FHIT: variants seen among roughly 807,000 people sequenced by gnomAD.
FHIT encodes the protein fragile histidine triad diadenosine triphosphatase.
A neutral mutation model predicts 17.9 loss-of-function variants in FHIT; 19 were observed. The ratio of observed to expected loss-of-function variants is 1.06; its 90% CI spans 0.74 to 1.56. FHIT has a LOEUF of 1.56. Ranked by LOEUF, FHIT falls within the 40% of genes most tolerant of loss-of-function variation. The pLI is 0.00. For missense variants in FHIT, 248 were observed against 189.2 expected (o/e 1.31, Z -1.82); for synonymous variants, 81 against 69.7 (o/e 1.16, Z -0.81).
intron 5 of FHIT, among the ~76,000 whole-genome samples, chr3:60,434,706 C>T (rs2030054476): frequency 6.6e-6 from 1 of 152,102 alleles, no homozygotes; most frequent in Non-Finnish European, 1.5e-5. Flanking sequence ...CTGCTTTATA[C>T]CAAAGAGATA....
chr3:60,002,323 T>A lies in FHIT; in HGVS notation c.279+9048A>T, dbSNP rs143758948. Reference sequence around the variant, plus strand: ...TTGTTGTTGTTTGTTTGTTTGTTTGTTGCCCTTCCCTCCTGAGGTTTTGGA... The same window carrying A: ...TTGTTGTTGTTTGTTTGTTTGTTTGATGCCCTTCCCTCCTGAGGTTTTGGA... On this transcript the variant is annotated intron_variant, in intron 7 of 9. Transcript: ENST00000492590. 8.2e-3 allele frequency among the ~76,000 whole-genome samples: 1,245 copies of A among 152,254 alleles called. 16 individuals are homozygous for A. The highest frequency in any genetic ancestry group is 0.034 in the South Asian group (164 of 4,826).
rs114412277 is a variant in FHIT, at chr3:60,219,252, A to G, written c.104-205100T>C. Among the ~76,000 whole-genome samples, 519 of 152,182 alleles carry G rather than the reference A, an allele frequency of 3.4e-3. 3 individuals are homozygous for G. Among genetic ancestry groups the G allele is most frequent in the African/African-American group, 0.012 (500 of 41,542 alleles). On this transcript the variant is annotated intron_variant, in intron 5 of 9. Coordinates refer to ENST00000492590, the MANE Select transcript of FHIT (RefSeq NM_002012.4). ...CTCGTAATCCTTCTGTGGACATTCAACATGAAATACTAACGTTCCTAGGCC... is the reference window on the plus strand; with the variant it reads ...CTCGTAATCCTTCTGTGGACATTCAGCATGAAATACTAACGTTCCTAGGCC...
At chr3:61,016,540 T>G (rs1559912008) in intron 3 of FHIT, among the ~76,000 whole-genome samples, 1 of 152,230 alleles carries the variant, frequency 6.6e-6, no homozygotes, top group Admixed American at 6.5e-5. Context: ...AAGTTACTTA[T>G]GACAACGGTC....
intron 5 of FHIT, among the ~76,000 whole-genome samples, chr3:60,535,078 G>C (rs950052912): frequency 6.6e-6 from 1 of 152,144 alleles, no homozygotes; most frequent in Non-Finnish European, 1.5e-5. Context: ...ACAAAAATTA[G>C]CTCAGTGTGG....
intron 2 of FHIT, among the ~76,000 whole-genome samples, chr3:61,141,184 G>T (rs577218503): frequency 4.6e-5 from 7 of 152,162 alleles, no homozygotes; most frequent in African/African-American, 1.7e-4. Flanking sequence ...ACTCTCGGGG[G>T]TATCACTCAG....
chr3:60,381,234 T>TGAGG (rs1700787106), intron 5 of FHIT, among the ~76,000 whole-genome samples: 4 of 152,126 alleles, frequency 2.6e-5, no homozygotes, highest in African/African-American at 9.6e-5. Flanking sequence ...TCCCAGCACT[T>TGAGG]TGGGAGGCTG....
At chr3:60,172,093 A>G (rs1448042249) in intron 5 of FHIT, among the ~76,000 whole-genome samples, 1 of 152,198 alleles carries the variant, frequency 6.6e-6, no homozygotes, top group Non-Finnish European at 1.5e-5. Context: ...TATTATTCAA[A>G]CAAGCACATA....
chr3:60,639,689 TA>T (rs1467206737), intron 4 of FHIT, among the ~76,000 whole-genome samples: 1 of 152,062 alleles, frequency 6.6e-6, no homozygotes, highest in Non-Finnish European at 1.5e-5. Context: ...AAGGAAACAC[TA>T]AAAGGAACTA....
rs781793092 is a variant in FHIT, at chr3:60,761,332, G to C, written c.-18+60587C>G. Among the ~76,000 whole-genome samples the C allele has an allele frequency of 2.6e-5, 4 of 152,276 alleles. No homozygotes were observed. The Middle Eastern group carries it at 0.01, about 388-fold the overall frequency. On this transcript the variant is annotated intron_variant, in intron 4 of 9. Coordinates refer to ENST00000492590, the MANE Select transcript of FHIT (RefSeq NM_002012.4). ...CAGATGTATGAGTGAACGTGCGTAT[G>C]AGCACATGCATGTCTCAGAGAGAGC...
At chr3:60,495,779 A>G (rs1023455642) in intron 5 of FHIT, among the ~76,000 whole-genome samples, 5 of 152,204 alleles carry the variant, frequency 3.3e-5, no homozygotes, top group African/African-American at 1.2e-4. Flanking sequence ...AATGTGATTA[A>G]AAGAAAGGAA....
chr3:59,786,090 TG>T (rs1699276899), intron 8 of FHIT, among the ~76,000 whole-genome samples: 1 of 151,924 alleles, frequency 6.6e-6, no homozygotes, highest in Non-Finnish European at 1.5e-5. Context: ...ATGGGTGAAA[TG>T]GGGGTAAGGA....
chr3:59,931,886 G>T (rs758365430), intron 7 of FHIT, among the ~76,000 whole-genome samples: 1 of 151,958 alleles, frequency 6.6e-6, no homozygotes, highest in African/African-American at 2.4e-5. Context: ...ATGATGTATT[G>T]CTCCAAGCCA....
chr3:61,217,490 A>C (rs1576244459), intron 1 of FHIT, among the ~76,000 whole-genome samples: 1 of 152,208 alleles, frequency 6.6e-6, no homozygotes, highest in African/African-American at 2.4e-5. Flanking sequence ...GCTGAGTTCC[A>C]AAGACGAGTT....
chr3:61,239,305 G>C (rs2040310305), intron 1 of FHIT, among the ~76,000 whole-genome samples: 1 of 152,202 alleles, frequency 6.6e-6, no homozygotes, highest in South Asian at 2.1e-4. Flanking sequence ...TTCATCTGAT[G>C]TCAGTCTCCC....
chr3:60,169,299 G>T (rs1479777708), intron 5 of FHIT, among the ~76,000 whole-genome samples: 2 of 152,116 alleles, frequency 1.3e-5, no homozygotes, highest in East Asian at 3.9e-4. Context: ...CAGGGGTACT[G>T]TAATACCCTG....
intron 5 of FHIT, among the ~76,000 whole-genome samples, chr3:60,298,238 T>G (rs919762722): frequency 6.6e-6 from 1 of 152,054 alleles, no homozygotes; most frequent in African/African-American, 2.4e-5. Context: ...CTGATGATCA[T>G]CCAGACCTTC....
chr3:60,398,760 A>G (rs746720476), intron 5 of FHIT, among the ~76,000 whole-genome samples: 2 of 152,190 alleles, frequency 1.3e-5, no homozygotes, highest in Non-Finnish European at 2.9e-5. Flanking sequence ...AGGTACCTGG[A>G]AGGAATCTAT....
intron 8 of FHIT, among the ~76,000 whole-genome samples, chr3:59,825,911 A>G (rs1872495): frequency 0.73 from 111,184 of 152,056 alleles, 42,535 homozygotes; most frequent in East Asian, 0.97. Flanking sequence ...CCAACCATCC[A>G]GCCATCCATC....
At chr3:60,071,705 A>G (rs1246761160) in intron 5 of FHIT, among the ~76,000 whole-genome samples, 2 of 152,168 alleles carry the variant, frequency 1.3e-5, no homozygotes, top group East Asian at 3.8e-4. Context: ...CCCGAAGCTG[A>G]CTTTCCAGTG....
Sources: gnomAD v4.1 joint callset for allele counts (sites outside exome capture counted in the v4.1 genomes callset) on GRCh38, gnomAD v4.1.1 for gene constraint, MANE v1.5 for transcripts, NCBI Gene and HGNC (gene_info 2026-07-23, HGNC 2026-07-21) for gene names.